The following MPPED2 variants were observed in gnomAD, a reference collection of about 807,000 sequenced individuals.
MPPED2 encodes metallophosphoesterase domain containing 2, also known as metallophosphoesterase MPPED2.
Under a neutral mutation model 33.0 loss-of-function variants are expected in MPPED2, and 5 were observed. That is an observed-to-expected ratio of 0.15 (90% CI 0.08 to 0.32). The LOEUF (loss-of-function observed/expected upper bound fraction) is 0.32, where lower values mean the gene tolerates loss of function less well. Ranked by LOEUF, MPPED2 falls within the 10% of genes least tolerant of loss-of-function variation. The probability of loss-of-function intolerance (pLI) is 1.00; values close to 1 mark genes in which losing one functional copy is unlikely to be tolerated. For synonymous variants in MPPED2, 136 were observed against 141.9 expected (o/e 0.96, Z 0.29); for missense variants, 275 against 372.1 (o/e 0.74, Z 2.15).
chr11:30,408,405 G>C (rs1272183263), downstream of MPPED2, among the ~76,000 whole-genome samples: 2 of 152,170 alleles, frequency 1.3e-5, no homozygotes, highest in African/African-American at 2.4e-5. Flanking sequence ...TCTGCCTCCT[G>C]GGTTCAAGTG....
At chr11:30,501,800 C>T (rs997767142) in intron 3 of MPPED2, among the ~76,000 whole-genome samples, 1 of 152,194 alleles carries the variant, frequency 6.6e-6, no homozygotes, top group Non-Finnish European at 1.5e-5. Flanking sequence ...AAACACATAG[C>T]AACTTATGTC....
intron 2 of MPPED2, among the ~76,000 whole-genome samples, chr11:30,575,554 A>G (rs564704027): frequency 1.3e-5 from 2 of 152,344 alleles, no homozygotes; most frequent in South Asian, 4.1e-4. Context: ...TACCATGTGT[A>G]TATTGTCCTC....
intron 4 of MPPED2, among the ~76,000 whole-genome samples, chr11:30,468,683 T>G (rs1950823587): frequency 1.3e-5 from 2 of 151,978 alleles, no homozygotes; most frequent in Admixed American, 1.3e-4. Context: ...ATTGTGTCTG[T>G]GTGTGTGTGT....
At chr11:30,524,484 C>T (rs1954056986) in intron 3 of MPPED2, among the ~76,000 whole-genome samples, 1 of 152,048 alleles carries the variant, frequency 6.6e-6, no homozygotes, top group Non-Finnish European at 1.5e-5. Flanking sequence ...GTTGGGAGGG[C>T]CCATAACAAA....
chr11:30,559,587 T>C (rs117484029), intron 2 of MPPED2, among the ~76,000 whole-genome samples: 2 of 152,212 alleles, frequency 1.3e-5, no homozygotes, highest in Non-Finnish European at 2.9e-5. Flanking sequence ...CCTAGATACA[T>C]TCTTTTAAAT....
At chr11:30,407,992 A>G (rs1948016798), downstream of MPPED2, among the ~76,000 whole-genome samples, 1 of 152,226 alleles carries the variant, frequency 6.6e-6, no homozygotes, top group Non-Finnish European at 1.5e-5. Context: ...TATTTAACAA[A>G]TACATGTGCA....
At chr11:30,579,854 T>C (rs1957088344) in intron 2 of MPPED2, among the ~76,000 whole-genome samples, 1 of 152,016 alleles carries the variant, frequency 6.6e-6, no homozygotes, top group South Asian at 2.1e-4. Context: ...TACAGAAATT[T>C]TAAAGAAATA....
intron 3 of MPPED2, among the ~76,000 whole-genome samples, chr11:30,526,977 T>C (rs1465848541): frequency 8.0e-6 from 1 of 124,996 alleles, no homozygotes. Flanking sequence ...CAGGCTAGAG[T>C]GCAGTGGCGT....
At chr11:30,560,521 T>G (rs183423981) in intron 2 of MPPED2, among the ~76,000 whole-genome samples, 159 of 152,246 alleles carry the variant, frequency 1.0e-3, no homozygotes, top group Non-Finnish European at 1.6e-3. Context: ...ATATCTTAGC[T>G]TATTCTAGAG....
chr11:30,419,709 C>T (rs1948527943), intron 4 of MPPED2, among the ~76,000 whole-genome samples: 1 of 152,094 alleles, frequency 6.6e-6, no homozygotes, highest in South Asian at 2.1e-4. Context: ...TTGGCTGGTG[C>T]TATCTAAGAA....
At chr11:30,549,941 G>A (rs1955619368) in intron 2 of MPPED2, among the ~76,000 whole-genome samples, 1 of 152,094 alleles carries the variant, frequency 6.6e-6, no homozygotes, top group Non-Finnish European at 1.5e-5. Flanking sequence ...GTGGCCAAGG[G>A]GGCATGTTAA....
At chr11:30,439,972 G>C (rs532757896) in intron 4 of MPPED2, among the ~76,000 whole-genome samples, 1 of 152,210 alleles carries the variant, frequency 6.6e-6, no homozygotes, top group South Asian at 2.1e-4. Context: ...CTTGACATAC[G>C]TTAGATCAGG....
chr11:30,417,800 C>T (rs998038950), intron 4 of MPPED2, among the ~76,000 whole-genome samples, 167 bp from the exon 5 acceptor site: 4 of 152,166 alleles, frequency 2.6e-5, no homozygotes, highest in African/African-American at 9.7e-5. Flanking sequence ...CAAAACCAAT[C>T]CATTTGAAAG....
At chr11:30,560,466 G>A (rs1221894958) in intron 2 of MPPED2, among the ~76,000 whole-genome samples, 1 of 151,942 alleles carries the variant, frequency 6.6e-6, no homozygotes, top group Non-Finnish European at 1.5e-5. Context: ...CTTGCTACAC[G>A]GCATGAGATA....
intron 4 of MPPED2, among the ~76,000 whole-genome samples, chr11:30,453,999 T>A (rs1950173877): frequency 6.6e-6 from 1 of 152,156 alleles, no homozygotes; most frequent in South Asian, 2.1e-4. Flanking sequence ...CCCAAAGAAG[T>A]CATCTCTGAT....
intron 4 of MPPED2, among the ~76,000 whole-genome samples, chr11:30,479,907 G>C (rs1458735697): frequency 6.6e-6 from 1 of 152,130 alleles, no homozygotes; most frequent in Non-Finnish European, 1.5e-5. Context: ...ACAATTGTAA[G>C]TAAATAGGGC....
intron 3 of MPPED2, among the ~76,000 whole-genome samples, chr11:30,520,502 G>T (rs4923646): frequency 0.24 from 36,776 of 151,900 alleles, 4,706 homozygotes; most frequent in East Asian, 0.41. Flanking sequence ...CCTTTTGTTT[G>T]CCTTTCTTTT....
intron 4 of MPPED2, among the ~76,000 whole-genome samples, chr11:30,440,898 T>C (rs1037775141): frequency 1.6e-4 from 25 of 152,310 alleles, no homozygotes; most frequent in Middle Eastern, 3.4e-3. Context: ...TTCTGTGGAA[T>C]CGTAATATGT....
intron 4 of MPPED2, among the ~76,000 whole-genome samples, chr11:30,478,404 A>T (rs1951319926): frequency 6.6e-6 from 1 of 152,134 alleles, no homozygotes; most frequent in Non-Finnish European, 1.5e-5. Context: ...TATACCTGGA[A>T]AAAGAAGGCA....
Sources: gnomAD v4.1 joint callset for allele counts (sites outside exome capture counted in the v4.1 genomes callset) on GRCh38, gnomAD v4.1.1 for gene constraint, MANE v1.5 for transcripts, NCBI Gene and HGNC (gene_info 2026-07-23, HGNC 2026-07-21) for gene names.